Variants in CSMD1 observed in about 807,000 individuals in gnomAD.
CSMD1 encodes CUB and Sushi multiple domains 1, also known as CUB and sushi domain-containing protein 1.
CSMD1 carries 213 observed loss-of-function variants against 417.5 expected under a neutral mutation model. The observed-to-expected ratio is 0.51, with a 90% CI of 0.46 to 0.57. The LOEUF (loss-of-function observed/expected upper bound fraction) is 0.57. Ranked by LOEUF, CSMD1 falls within the 20% of genes least tolerant of loss-of-function variation. CSMD1 has a pLI of 0.00. For missense variants in CSMD1, 6,923 were observed against 4,529.7 expected (o/e 1.53, Z -15.17); for synonymous variants, 2,862 against 1,736.8 (o/e 1.65, Z -16.11).
At chr8:4,223,470 C>G (rs943239434) in intron 3 of CSMD1, among the ~76,000 whole-genome samples, 1 of 152,234 alleles carries the variant, frequency 6.6e-6, no homozygotes, top group Non-Finnish European at 1.5e-5. Flanking sequence ...CATGCCATGG[C>G]TGGGAAGGAT....
At chr8:4,262,888 C>T (rs149966922) in intron 3 of CSMD1, among the ~76,000 whole-genome samples, 286 of 152,304 alleles carry the variant, frequency 1.9e-3, no homozygotes, top group African/African-American at 6.5e-3. Context: ...CAACTCAAAA[C>T]TGCCATCACA....
intron 36 of CSMD1, among the ~76,000 whole-genome samples, chr8:3,184,919 T>C (rs1248048017): frequency 1.3e-5 from 2 of 152,226 alleles, no homozygotes; most frequent in Non-Finnish European, 2.9e-5. Flanking sequence ...TGCTCCAAAA[T>C]CTAGCCTAAG....
At chr8:4,378,574 A>G (rs965299975) in intron 3 of CSMD1, among the ~76,000 whole-genome samples, 1 of 152,200 alleles carries the variant, frequency 6.6e-6, no homozygotes, top group African/African-American at 2.4e-5. Flanking sequence ...ACTGGTCTTC[A>G]ATAAGTTTCA....
At chr8:4,610,160 C>A (rs1319377308) in intron 2 of CSMD1, among the ~76,000 whole-genome samples, 1 of 152,048 alleles carries the variant, frequency 6.6e-6, no homozygotes, top group Non-Finnish European at 1.5e-5. Context: ...CCTTTTCTTC[C>A]CCTGCTTTCT....
At chr8:4,131,711 G>C (rs77533235) in intron 3 of CSMD1, among the ~76,000 whole-genome samples, 185 of 144,764 alleles carry the variant, frequency 1.3e-3, no homozygotes, top group African/African-American at 4.2e-3. Context: ...TATACTATCA[G>C]AACAATGCAG....
intron 1 of CSMD1, among the ~76,000 whole-genome samples, chr8:4,931,130 G>C (rs1435844584): frequency 1.3e-5 from 2 of 152,064 alleles, no homozygotes; most frequent in Admixed American, 6.6e-5. Context: ...GATATGATTG[G>C]TTTTATTACG....
chr8:4,779,296 T>G (rs1386312969), intron 1 of CSMD1, among the ~76,000 whole-genome samples: 1 of 152,116 alleles, frequency 6.6e-6, no homozygotes, highest in Non-Finnish European at 1.5e-5. Context: ...TTTACCAAAA[T>G]TTTCACAATA....
At chr8:3,584,692 A>G (rs1439025441) in intron 9 of CSMD1, among the ~76,000 whole-genome samples, 1 of 152,270 alleles carries the variant, frequency 6.6e-6, no homozygotes, top group East Asian at 1.9e-4. Flanking sequence ...TTTAAAAGTA[A>G]CATTTAAAAG....
At chr8:4,496,310 G>A (rs996924560) in intron 2 of CSMD1, among the ~76,000 whole-genome samples, 2 of 152,170 alleles carry the variant, frequency 1.3e-5, no homozygotes, top group East Asian at 1.9e-4. Context: ...AATGGTTCAG[G>A]ATCAAAGGAC....
chr8:4,911,331 T>G (rs1389621777), intron 1 of CSMD1, among the ~76,000 whole-genome samples: 1 of 152,194 alleles, frequency 6.6e-6, no homozygotes, highest in Non-Finnish European at 1.5e-5. Flanking sequence ...TTAACCAATA[T>G]GCAGATGAAA....
intron 3 of CSMD1, among the ~76,000 whole-genome samples, chr8:4,114,527 G>T (rs1246252102): frequency 1.3e-5 from 2 of 149,132 alleles, no homozygotes; most frequent in East Asian, 2.0e-4. Context: ...ATGGATCAAG[G>T]AATAACTCAA....
At chr8:3,129,608 A>G (rs923445695) in intron 41 of CSMD1, among the ~76,000 whole-genome samples, 3 of 144,574 alleles carry the variant, frequency 2.1e-5, no homozygotes, top group Admixed American at 6.9e-5. Flanking sequence ...AACCTTCTCT[A>G]TACTAAAAGT....
intron 5 of CSMD1, among the ~76,000 whole-genome samples, chr8:3,971,298 G>T (rs888356347): frequency 1.3e-5 from 2 of 152,070 alleles, no homozygotes; most frequent in South Asian, 2.1e-4. Flanking sequence ...CCTCCTCATG[G>T]GTTCTCCTGA....
intron 1 of CSMD1, among the ~76,000 whole-genome samples, chr8:4,885,864 C>G (rs1017837071): frequency 1.3e-5 from 2 of 151,850 alleles, no homozygotes; most frequent in Non-Finnish European, 2.9e-5. Context: ...TATCTGAAAA[C>G]AAAACAAAAA....
At chr8:4,119,238 C>G (rs529420020) in intron 3 of CSMD1, among the ~76,000 whole-genome samples, 1 of 152,038 alleles carries the variant, frequency 6.6e-6, no homozygotes, top group African/African-American at 2.4e-5. Context: ...GCACATGTGT[C>G]CTAGAACTTA....
intron 5 of CSMD1, among the ~76,000 whole-genome samples, chr8:3,991,738 C>A (rs892725883): frequency 6.6e-6 from 1 of 152,074 alleles, no homozygotes; most frequent in Admixed American, 6.6e-5. Context: ...TTGAAATTAG[C>A]GATGAAATGT....
intron 7 of CSMD1, among the ~76,000 whole-genome samples, chr8:3,707,890 C>T (rs566521941): frequency 6.6e-6 from 1 of 152,310 alleles, no homozygotes; most frequent in Non-Finnish European, 1.5e-5. Context: ...AGCTATTGAT[C>T]TGGTATCTAC....
intron 1 of CSMD1, among the ~76,000 whole-genome samples, chr8:4,801,937 G>A (rs958910801): frequency 3.3e-5 from 5 of 152,126 alleles, no homozygotes; most frequent in Non-Finnish European, 7.4e-5. Context: ...CAAGGTAACT[G>A]GTACATTTTG....
intron 5 of CSMD1, among the ~76,000 whole-genome samples, chr8:3,871,010 T>C (rs553959276): frequency 2.6e-4 from 40 of 152,208 alleles, no homozygotes; most frequent in African/African-American, 9.4e-4. Flanking sequence ...GTTATAATTT[T>C]TTTAAAAAAA....
Sources: gnomAD v4.1 joint callset for allele counts (sites outside exome capture counted in the v4.1 genomes callset) on GRCh38, gnomAD v4.1.1 for gene constraint, MANE v1.5 for transcripts, NCBI Gene and HGNC (gene_info 2026-07-23, HGNC 2026-07-21) for gene names.